The following CNTN4 variants were observed in gnomAD, a reference collection of about 807,000 sequenced individuals.
CNTN4 encodes contactin-4.
Under a neutral mutation model 122.5 loss-of-function variants are expected in CNTN4, and 77 were observed. That is an observed-to-expected ratio of 0.63 (90% confidence interval 0.52 to 0.76). The LOEUF is 0.76. Ranked by LOEUF, CNTN4 falls within the 30% of genes least tolerant of loss-of-function variation. The pLI, the probability that CNTN4 is intolerant of heterozygous loss-of-function variation, is 0.00. For missense variants in CNTN4, 1,256 were observed against 1,259.1 expected (o/e 1.00, Z 0.04); for synonymous variants, 512 against 447.0 (o/e 1.15, Z -1.83).
At chr3:2,222,510 A>C (rs537625399) in intron 2 of CNTN4, among the ~76,000 whole-genome samples, 1 of 152,062 alleles carries the variant, frequency 6.6e-6, no homozygotes, top group East Asian at 1.9e-4. Context: ...ACTAAAAACC[A>C]TTGAATCATA....
At chr3:2,997,815 A>G (rs1695664522) in intron 14 of CNTN4, among the ~76,000 whole-genome samples, 1 of 152,222 alleles carries the variant, frequency 6.6e-6, no homozygotes, top group South Asian at 2.1e-4. Flanking sequence ...TAGAGTTAAC[A>G]GTGGCTTTTT....
rs541781253 is a variant in CNTN4 at position 2,679,572 on chromosome 3, C to G, written c.56-56643C>G. On this transcript the variant is annotated intron_variant, in intron 4 of 24. Coordinates refer to ENST00000418658, the MANE Select transcript of CNTN4 (RefSeq NM_175607.3). ...GCTATTCTTTAAGAGTCCTTGGATA[C>G]TTGTTAGAATGGATTTGCCAATTTT... Among the ~76,000 whole-genome samples, 8 of 152,250 alleles carry G rather than the reference C, an allele frequency of 5.3e-5. No individual in the cohort carries two copies. In the South Asian group the frequency reaches 1.7e-3, roughly 32 times the overall value.
intron 13 of CNTN4, among the ~76,000 whole-genome samples, chr3:2,946,435 T>C (rs967193394): frequency 3.3e-5 from 5 of 152,188 alleles, no homozygotes; most frequent in Non-Finnish European, 7.3e-5. Flanking sequence ...GTGTATATGC[T>C]CATGTAACGT....
chr3:2,569,201 C>A (rs1201839900), intron 3 of CNTN4, among the ~76,000 whole-genome samples: 2 of 152,162 alleles, frequency 1.3e-5, no homozygotes, highest in African/African-American at 4.8e-5. Context: ...AGAAACTAAG[C>A]TATTTAAGGG....
intron 2 of CNTN4, among the ~76,000 whole-genome samples, chr3:2,240,892 T>G (rs1165864080): frequency 6.6e-6 from 1 of 152,190 alleles, no homozygotes; most frequent in Non-Finnish European, 1.5e-5. Context: ...GCATTACAGT[T>G]TGAAATCAAT....
In CNTN4 at chr3:2,739,182, C is replaced by A. The variant is rs1348267632; in HGVS notation, c.182+2841C>A. Among the ~76,000 whole-genome samples, 3 of 151,932 alleles carry A rather than the reference C, an allele frequency of 2.0e-5. No individual in the cohort carries two copies. The East Asian group carries it at 5.8e-4, about 29-fold the overall frequency. The stretch of plus-strand genomic sequence containing the variant: ...GAACAGAAATATATAATTAAAACTA[C>A]AACGACATACTCTTTCAAAACTACC... On this transcript the variant is annotated intron_variant, in intron 5 of 24. Coordinates refer to ENST00000418658, the MANE Select transcript of CNTN4 (RefSeq NM_175607.3).
chr3:2,691,660 G>A (rs779158879), intron 4 of CNTN4, among the ~76,000 whole-genome samples: 13 of 152,158 alleles, frequency 8.5e-5, no homozygotes, highest in Non-Finnish European at 1.6e-4. Flanking sequence ...TGCCTCAGGG[G>A]AATATAGTAA....
chr3:2,173,272 TCTA>T (rs2149252072), intron 2 of CNTN4, among the ~76,000 whole-genome samples: 1 of 152,278 alleles, frequency 6.6e-6, no homozygotes, highest in East Asian at 1.9e-4. Context: ...ATAGGCATAA[TCTA>T]CTAAGTTGCT....
At chr3:2,675,643 A>T (rs1429425501) in intron 4 of CNTN4, among the ~76,000 whole-genome samples, 1 of 152,214 alleles carries the variant, frequency 6.6e-6, no homozygotes, top group Non-Finnish European at 1.5e-5. Flanking sequence ...CACATAGTAC[A>T]TGCTTAGTAA....
At position 2,515,075 on chromosome 3, in the gene CNTN4, G is replaced by A. The variant is rs193184413; in HGVS notation, c.-88-56341G>A. ...AGTGTGACTTTAGAAACGAGGTTCG[G>A]ATTGTCTGCTCATTTGCATAACCTG... On this transcript the variant is annotated intron_variant, in intron 3 of 24. Transcript: ENST00000418658. Among the ~76,000 whole-genome samples, 660 of 152,046 alleles carry A rather than the reference G, an allele frequency of 4.3e-3. 2 individuals carry two copies. Among genetic ancestry groups the A allele is most frequent in the Middle Eastern group, 0.01 (3 of 294 alleles).
At chr3:2,254,843 C>T (rs189181673) in intron 2 of CNTN4, among the ~76,000 whole-genome samples, 451 of 152,180 alleles carry the variant, frequency 3.0e-3, no homozygotes, top group Non-Finnish European at 4.8e-3. Flanking sequence ...GTTGCCTTTT[C>T]ACTCTGATGA....
intron 4 of CNTN4, among the ~76,000 whole-genome samples, chr3:2,617,295 G>GA (rs904641230): frequency 1.3e-5 from 2 of 149,256 alleles, no homozygotes; most frequent in Admixed American, 1.3e-4. Flanking sequence ...AAATTTTCAA[G>GA]AAAAAAACAA....
intron 3 of CNTN4, among the ~76,000 whole-genome samples, chr3:2,559,551 A>C (rs1231912702): frequency 1.3e-5 from 2 of 151,650 alleles, no homozygotes; most frequent in Admixed American, 6.6e-5. Context: ...ATTGTAACTG[A>C]CCCATAGTAA....
intron 2 of CNTN4, among the ~76,000 whole-genome samples, chr3:2,211,202 G>A (rs2038600803): frequency 6.6e-6 from 1 of 151,984 alleles, no homozygotes; most frequent in Admixed American, 6.6e-5. Flanking sequence ...GTGTGGCGGG[G>A]GTTGGGCGCC....
intron 4 of CNTN4, among the ~76,000 whole-genome samples, chr3:2,595,252 A>C (rs1029647570): frequency 1.3e-5 from 2 of 152,216 alleles, no homozygotes; most frequent in Non-Finnish European, 2.9e-5. Flanking sequence ...ATTTCATGGT[A>C]AAATAATTTG....
chr3:2,603,476 T>C (rs2081134502), intron 4 of CNTN4, among the ~76,000 whole-genome samples: 1 of 152,196 alleles, frequency 6.6e-6, no homozygotes, highest in Admixed American at 6.5e-5. Context: ...CAGAAAATAA[T>C]GCTGGCAGTC....
intron 2 of CNTN4, among the ~76,000 whole-genome samples, chr3:2,208,335 T>G (rs1199127630): frequency 2.0e-5 from 3 of 152,144 alleles, no homozygotes; most frequent in African/African-American, 7.2e-5. Flanking sequence ...TGCAGGAAGT[T>G]AACTGCTAAT....
intron 8 of CNTN4, among the ~76,000 whole-genome samples, chr3:2,867,208 A>G (rs1460864571): frequency 1.3e-5 from 2 of 152,202 alleles, no homozygotes; most frequent in Admixed American, 6.5e-5. Flanking sequence ...ATAAATAACA[A>G]AGGAAGGTAT....
At chr3:2,948,643 T>C (rs2094704376) in intron 13 of CNTN4, among the ~76,000 whole-genome samples, 1 of 152,192 alleles carries the variant, frequency 6.6e-6, no homozygotes, top group African/African-American at 2.4e-5. Context: ...TCTGGCAGGT[T>C]TGGAGCAAAC....
Sources: allele counts gnomAD v4.1 joint callset (sites outside exome capture counted in the v4.1 genomes callset), GRCh38; gene constraint gnomAD v4.1.1; transcripts MANE v1.5; gene names NCBI Gene and HGNC (gene_info 2026-07-23, HGNC 2026-07-21).